PADI3: variants seen among roughly 807,000 people sequenced by gnomAD.
The protein encoded by PADI3 is peptidyl arginine deiminase 3.
A neutral mutation model predicts 71.5 loss-of-function variants in PADI3; 53 were observed. The ratio of observed to expected loss-of-function variants is 0.74; its 90% CI spans 0.59 to 0.93. The LOEUF (loss-of-function observed/expected upper bound fraction) is 0.93, where lower values mean the gene tolerates loss of function less well. Ranked by LOEUF, PADI3 falls within the 40% of genes least tolerant of loss-of-function variation. PADI3 has a pLI of 0.00. For synonymous variants in PADI3, 361 were observed against 347.5 expected (o/e 1.04, Z -0.43); for missense variants, 821 against 868.0 (o/e 0.95, Z 0.68).
chr1:17,249,137 C>A lies in PADI3; in HGVS notation c.-1C>A. ...CGGCCACAGCTAAGTCCAACACCAG[C>A]ATGTCGCTGCAGAGAATCGTGCGTG... On this transcript the variant is annotated 5_prime_UTR_variant, in exon 1 of 16. Transcript: ENST00000375460. 3 of 1,614,002 alleles carry A rather than the reference C, an allele frequency of 1.9e-6. No homozygotes were observed. Among genetic ancestry groups the A allele is most frequent in the Non-Finnish European group, 1.7e-6 (2 of 1,179,856 alleles).
intron 2 of PADI3, among the ~76,000 whole-genome samples, chr1:17,261,117 A>G (rs1428118578): frequency 6.6e-6 from 1 of 152,196 alleles, no homozygotes; most frequent in Non-Finnish European, 1.5e-5. Context: ...GGCCCCTGCA[A>G]GATCCTCCCC....
intron 8 of PADI3, 33 bp downstream of exon 8, chr1:17,271,015 C>T (rs372942922): frequency 1.7e-5 from 27 of 1,611,840 alleles, no homozygotes; most frequent in South Asian, 3.3e-5. Flanking sequence ...GTCCCTCTGG[C>T]CCCCAGGCCC....
intron 2 of PADI3, 29 bp downstream of exon 2, chr1:17,259,787 A>G: frequency 6.4e-6 from 10 of 1,564,540 alleles, no homozygotes; most frequent in Non-Finnish European, 8.7e-6. Flanking sequence ...GGGTGGGGAG[A>G]GGTTTCGAGG....
chr1:17,273,576 G>C, intron 10 of PADI3, 129 bp downstream of exon 10: 2 of 542,584 alleles, frequency 3.7e-6, no homozygotes, highest in Non-Finnish European at 6.4e-6. Flanking sequence ...AGGGTTGCCA[G>C]ATAAAATGCA....
rs186509852 is a variant in PADI3 at position 17,258,900 on chromosome 1, C to T, written c.93-678C>T. On this transcript the variant is annotated intron_variant, in intron 1 of 15. Coordinates refer to ENST00000375460, the MANE Select transcript of PADI3 (RefSeq NM_016233.2). ...CAGAACTGTAAGGGGCTCCACCCAC[C>T]AATGGCTGGTGTTCACTGAGCTCTT... Among the ~76,000 whole-genome samples, 271 of 152,340 alleles carry T rather than the reference C, an allele frequency of 1.8e-3. 2 individuals are homozygous for T. The highest frequency in any genetic ancestry group is 0.015 in the Admixed American group (227 of 15,304).
At chr1:17,254,774 A>G (rs944264374) in intron 1 of PADI3, among the ~76,000 whole-genome samples, 6 of 147,242 alleles carry the variant, frequency 4.1e-5, no homozygotes, top group African/African-American at 1.5e-4. Context: ...CTGGAGTGCA[A>G]TGGGGCTATC....
At chr1:17,254,930 G>A (rs1333458937) in intron 1 of PADI3, among the ~76,000 whole-genome samples, 1 of 152,044 alleles carries the variant, frequency 6.6e-6, no homozygotes, top group South Asian at 2.1e-4. Flanking sequence ...TGGTCAGGCT[G>A]GTCTCGAACT....
Position 17,276,338 on chromosome 1 carries a change from AAAAT to A in PADI3, c.1308-165_1308-162del, listed in dbSNP as rs1243758665. On this transcript the variant is annotated intron_variant, in intron 11 of 15. Coordinates refer to ENST00000375460, the MANE Select transcript of PADI3 (RefSeq NM_016233.2). ...AGTGACAGAGTGAGATTCCATCTCAAAAATAAATAAATAAATAAAATGAAATATA... is the reference window on the plus strand; with the variant it reads ...AGTGACAGAGTGAGATTCCATCTCAAAAATAAATAAATAAAATGAAATATA... Among the ~76,000 whole-genome samples, 3 of 152,294 alleles carry A rather than the reference AAAAT, an allele frequency of 2.0e-5. No homozygotes were observed. The East Asian group carries it at 5.8e-4, about 29-fold the overall frequency.
At chr1:17,276,987 CA>C (rs1220651391) in intron 13 of PADI3, 111 bp downstream of exon 13, 39 of 846,368 alleles carry the variant, frequency 4.6e-5, no homozygotes, top group Non-Finnish European at 5.9e-5. Flanking sequence ...GGTGTGTCCC[CA>C]AATTCAGGGC....
intron 2 of PADI3, among the ~76,000 whole-genome samples, chr1:17,261,529 C>G (rs990452349): frequency 5.9e-5 from 9 of 152,224 alleles, no homozygotes; most frequent in African/African-American, 2.2e-4. Flanking sequence ...TAACCAGCCC[C>G]CACCCCACAA....
At chr1:17,263,667 T>G (rs896287674) in intron 3 of PADI3, among the ~76,000 whole-genome samples, 1 of 152,164 alleles carries the variant, frequency 6.6e-6, no homozygotes, top group Non-Finnish European at 1.5e-5. Context: ...AATTAAAAAT[T>G]TATATGCAAC....
intron 11 of PADI3, 47 bp downstream of exon 11, chr1:17,274,833 T>C (rs749137609): frequency 6.3e-7 from 1 of 1,585,966 alleles, no homozygotes; most frequent in Non-Finnish European, 8.6e-7. Context: ...AGGCTGAGGG[T>C]TGGGGGTGGT....
intron 9 of PADI3, among the ~76,000 whole-genome samples, chr1:17,271,463 G>T (rs1487604255): frequency 6.6e-6 from 1 of 152,212 alleles, no homozygotes; most frequent in African/African-American, 2.4e-5. Context: ...CAACAGCTGA[G>T]ACCAGTGGTT....
chr1:17,254,650 T>G (rs550896079), intron 1 of PADI3, among the ~76,000 whole-genome samples: 1 of 150,868 alleles, frequency 6.6e-6, no homozygotes, highest in Admixed American at 6.6e-5. Flanking sequence ...TTGAAGGGGG[T>G]GATACACGAG....
chr1:17,269,295 G>T (rs992756165), intron 6 of PADI3, among the ~76,000 whole-genome samples: 1 of 152,178 alleles, frequency 6.6e-6, no homozygotes, highest in Non-Finnish European at 1.5e-5. Flanking sequence ...CTTTCATTAA[G>T]TAATAATCCC....
intron 1 of PADI3, 35 bp from the exon 2 acceptor site, chr1:17,259,543 C>T: frequency 6.5e-7 from 1 of 1,536,110 alleles, no homozygotes; most frequent in Non-Finnish European, 8.8e-7. Context: ...AATATATCTC[C>T]TTCGGCACCG....
In PADI3 at chr1:17,277,036, C is replaced by T. The variant is rs115565320; in HGVS notation, c.1555+160C>T. 5.3e-4 allele frequency among the ~76,000 whole-genome samples: 80 copies of T among 152,318 alleles called. 1 individual carries two copies. Among genetic ancestry groups the T allele is most frequent in the African/African-American group, 1.9e-3 (80 of 41,576 alleles). On this transcript the variant is annotated intron_variant, in intron 13 of 15. Transcript: ENST00000375460. Reference sequence around the variant, plus strand: ...CCCCTGCACACCTTGCTTCACCAGACACCACTGCCCACAGCTGGGGCCGAG... The same window carrying T: ...CCCCTGCACACCTTGCTTCACCAGATACCACTGCCCACAGCTGGGGCCGAG...
At chr1:17,253,589 T>C (rs2072992398) in intron 1 of PADI3, among the ~76,000 whole-genome samples, 1 of 152,190 alleles carries the variant, frequency 6.6e-6, no homozygotes, top group Non-Finnish European at 1.5e-5. Context: ...TTCAATCACC[T>C]GGGGATCCAT....
Position 17,283,123 on chromosome 1 carries a change from G to T in PADI3, c.*44G>T. On this transcript the variant is annotated 3_prime_UTR_variant, in exon 16 of 16. Transcript: ENST00000375460. ...TCCTGTCCCCCTGGGGCGGGCATTG[G>T]CCCAGGTGGTGGAGACAGAGACAGG... 1 of 1,497,990 alleles carries T rather than the reference G, an allele frequency of 6.7e-7. No individual in the cohort carries two copies. Among genetic ancestry groups the T allele is most frequent in the African/African-American group, 1.4e-5 (1 of 72,888 alleles). 92.8% of individuals were successfully genotyped at this position (1,497,990 alleles called of 1,614,324 possible).
Sources: allele counts gnomAD v4.1 joint callset (sites outside exome capture counted in the v4.1 genomes callset), GRCh38; gene constraint gnomAD v4.1.1; transcripts MANE v1.5; gene names NCBI Gene and HGNC (gene_info 2026-07-23, HGNC 2026-07-21).